Variants in FAM228B observed in about 807,000 individuals in gnomAD.
The protein encoded by FAM228B is protein FAM228B.
A neutral mutation model predicts 42.6 loss-of-function variants in FAM228B; 38 were observed. The observed-to-expected ratio is 0.89, with a 90% CI of 0.69 to 1.17. The LOEUF (loss-of-function observed/expected upper bound fraction) is 1.17. FAM228B is among the 50% of genes most tolerant of loss of function. The probability of loss-of-function intolerance (pLI) is 0.00; values close to 1 mark genes in which losing one functional copy is unlikely to be tolerated. For synonymous variants in FAM228B, 109 were observed against 122.3 expected, an observed-to-expected ratio of 0.89 and a Z score of 0.72; for missense variants, 344 against 367.3, an observed-to-expected ratio of 0.94 and a Z score of 0.52.
In FAM228B at chr2:24,084,573, C is replaced by A. The variant is rs2150988301; in HGVS notation, c.-210+3618C>A. The A allele has an allele frequency of 4.4e-6, 2 of 453,684 alleles. No individual in the cohort carries two copies. Among genetic ancestry groups the A allele is most frequent in the Admixed American group, 4.2e-5 (1 of 23,980 alleles). 28.1% of individuals were successfully genotyped at this position (453,684 alleles called of 1,614,324 possible). ...TCGGCCGCCTCCAGACCGATCCCAC[C>A]CGGAACACAGATGGGAACGGCGGGA... On this transcript the variant is annotated intron_variant, in intron 2 of 10. Transcript: ENST00000613899. This position sits in a 1 kb window ranked among gnomAD's most constrained non-coding sequence, Gnocchi z 8.4.
At chr2:24,155,525 A>ATTTTTTT (rs1199134206) in intron 7 of FAM228B, among the ~76,000 whole-genome samples, 1 of 48,314 alleles carries the variant, frequency 2.1e-5, no homozygotes. Flanking sequence ...ATATATATAT[A>ATTTTTTT]TATATATTTT....
chr2:24,127,104 C>G (rs998988957), intron 2 of FAM228B, among the ~76,000 whole-genome samples: 1 of 152,156 alleles, frequency 6.6e-6, no homozygotes, highest in Admixed American at 6.5e-5. Flanking sequence ...AGTCACCCCC[C>G]ATTCCCCTCC....
intron 3 of FAM228B, among the ~76,000 whole-genome samples, chr2:24,106,707 A>AT (rs1469718833): frequency 6.6e-6 from 1 of 151,864 alleles, no homozygotes; most frequent in Non-Finnish European, 1.5e-5. Context: ...AAATAAGATG[A>AT]TTTTCCGACA....
At chr2:24,151,300 T>G (rs1055453180) in intron 7 of FAM228B, among the ~76,000 whole-genome samples, 14 of 151,950 alleles carry the variant, frequency 9.2e-5, no homozygotes, top group East Asian at 1.9e-4. Flanking sequence ...TTTGTTTTTT[T>G]TTTTGAGACA....
chr2:24,168,073 G>T (rs2151034904), intron 10 of FAM228B: 1 of 200,948 alleles, frequency 5.0e-6, no homozygotes, highest in African/African-American at 2.2e-5. Context: ...GAGATACTGA[G>T]ACTAAAATTA....
At chr2:24,100,044 GCT>G in intron 3 of FAM228B, among the ~76,000 whole-genome samples, 1 of 152,170 alleles carries the variant, frequency 6.6e-6, no homozygotes, top group Non-Finnish European at 1.5e-5. Flanking sequence ...AATAAATGGT[GCT>G]GGGAAAACTG....
chr2:24,121,465 C>T (rs1558379354), upstream of FAM228B, among the ~76,000 whole-genome samples: 1 of 152,160 alleles, frequency 6.6e-6, no homozygotes, highest in Non-Finnish European at 1.5e-5. Flanking sequence ...GTGACACTTA[C>T]AAATTATATG....
At chr2:24,093,611 T>C (rs963688621) in intron 2 of FAM228B, among the ~76,000 whole-genome samples, 2 of 148,338 alleles carry the variant, frequency 1.3e-5, no homozygotes, top group Non-Finnish European at 3.0e-5. Flanking sequence ...GCAATAAACA[T>C]ATGTGTGCAT....
intron 7 of FAM228B, among the ~76,000 whole-genome samples, chr2:24,150,349 G>A (rs1486604163): frequency 6.6e-6 from 1 of 152,030 alleles, no homozygotes; most frequent in Non-Finnish European, 1.5e-5. Context: ...CTTCATGCTT[G>A]AAGGATATTT....
intron 2 of FAM228B, among the ~76,000 whole-genome samples, chr2:24,089,782 AATAAAG>A (rs912636099): frequency 6.6e-5 from 10 of 152,288 alleles, no homozygotes; most frequent in African/African-American, 2.4e-4. Flanking sequence ...AAGGCTTGTT[AATAAAG>A]ATAAACATTT....
chr2:24,097,541 A>G (rs1665524657), intron 3 of FAM228B: 1 of 151,938 alleles, frequency 6.6e-6, no homozygotes, highest in Non-Finnish European at 1.5e-5. Flanking sequence ...AGACAAGGCC[A>G]TTACATAATG....
chr2:24,126,036 C>T (rs1396301972), intron 2 of FAM228B, among the ~76,000 whole-genome samples: 1 of 152,100 alleles, frequency 6.6e-6, no homozygotes, highest in African/African-American at 2.4e-5. Context: ...AATGCTATTC[C>T]CTTATCTGGA....
intron 2 of FAM228B, among the ~76,000 whole-genome samples, chr2:24,125,411 T>C (rs1048321085): frequency 3.9e-5 from 6 of 152,162 alleles, no homozygotes; most frequent in African/African-American, 1.4e-4. Flanking sequence ...TGGTAAGTTT[T>C]GACATGTATA....
intron 3 of FAM228B, among the ~76,000 whole-genome samples, chr2:24,136,534 T>C (rs889414331): frequency 6.6e-6 from 1 of 152,166 alleles, no homozygotes; most frequent in East Asian, 1.9e-4. Context: ...GGCCAAGTTT[T>C]AATTTTTTTG....
intron 2 of FAM228B, among the ~76,000 whole-genome samples, chr2:24,082,344 C>T (rs1665042870): frequency 6.6e-6 from 1 of 152,192 alleles, no homozygotes; most frequent in South Asian, 2.1e-4. Flanking sequence ...ACCCACCCTT[C>T]AAAGCCTTCC....
chr2:24,113,484 C>T (rs993735711), intron 3 of FAM228B, among the ~76,000 whole-genome samples: 3 of 152,104 alleles, frequency 2.0e-5, no homozygotes, highest in African/African-American at 7.2e-5. Flanking sequence ...GTGGAAGCAT[C>T]GCTTGAGCTT....
chr2:24,146,618 CT>C (rs1454754005), intron 5 of FAM228B, 129 bp from the exon 6 acceptor site: 1 of 570,294 alleles, frequency 1.8e-6, no homozygotes, highest in Non-Finnish European at 3.0e-6. Context: ...GGTAAGCCTG[CT>C]ATTTGTAAAT....
intron 5 of FAM228B, among the ~76,000 whole-genome samples, chr2:24,144,425 G>A (rs1248227875): frequency 1.3e-5 from 2 of 152,200 alleles, no homozygotes; most frequent in African/African-American, 4.8e-5. Flanking sequence ...GACCCTGTCG[G>A]AGAGCTTCAA....
At chr2:24,090,983 G>A (rs1299315899) in intron 2 of FAM228B, among the ~76,000 whole-genome samples, 1 of 152,058 alleles carries the variant, frequency 6.6e-6, no homozygotes, top group Non-Finnish European at 1.5e-5. Flanking sequence ...CGTTTGTTTT[G>A]TAGATACGAG....
Sources: allele counts gnomAD v4.1 joint callset (sites outside exome capture counted in the v4.1 genomes callset), GRCh38; gene constraint gnomAD v4.1.1; non-coding constraint Gnocchi (gnomAD v3.1); transcripts MANE v1.5; gene names NCBI Gene and HGNC (gene_info 2026-07-23, HGNC 2026-07-21).